NTF3: variants seen among roughly 807,000 people sequenced by gnomAD.
NTF3 encodes neurotrophin-3.
Under a neutral mutation model 26.3 loss-of-function variants are expected in NTF3, and 8 were observed. That is an observed-to-expected ratio of 0.30 (90% CI 0.18 to 0.55). NTF3 has a LOEUF of 0.55. Among genes scored for constraint, NTF3 ranks in the 20% least tolerant of loss-of-function variants. The pLI is 0.93. For synonymous variants in NTF3, 154 were observed against 145.5 expected (o/e 1.06, Z -0.42); for missense variants, 276 against 352.9 (o/e 0.78, Z 1.75).
chr12:5,436,055 G>A (rs1940164209), intron 1 of NTF3, among the ~76,000 whole-genome samples: 1 of 152,180 alleles, frequency 6.6e-6, no homozygotes, highest in South Asian at 2.1e-4. Context: ...GTAGACTTTG[G>A]GGAATGAGAC....
At chr12:5,488,077 G>T (rs1456364435) in intron 1 of NTF3, among the ~76,000 whole-genome samples, 2 of 152,140 alleles carry the variant, frequency 1.3e-5, no homozygotes, top group African/African-American at 4.8e-5. Context: ...GAGCTAGCAG[G>T]GAAGAAGGTG....
intron 1 of NTF3, among the ~76,000 whole-genome samples, chr12:5,491,422 T>C (rs753068709): frequency 2.6e-5 from 4 of 152,044 alleles, no homozygotes; most frequent in Non-Finnish European, 5.9e-5. Context: ...TCATGGCAAG[T>C]AAGAAAGAAA....
rs549772025 is a variant in NTF3, at chr12:5,456,310, G to T, written c.18+23968G>T. ...GCCCTTTTGAGAATCACATAGAATC[G>T]CATTGATTGATGAGTGAAAAATAAA... is the stretch of plus-strand genomic sequence containing the variant. On this transcript the variant is annotated intron_variant, in intron 1 of 1. Transcript: ENST00000423158. The surrounding 1 kb of genome is among the most constrained non-coding windows in gnomAD (Gnocchi z 4.4). Among the ~76,000 whole-genome samples the T allele has an allele frequency of 1.3e-5, 2 of 152,248 alleles. No homozygotes were observed. Among genetic ancestry groups the T allele is most frequent in the African/African-American group, 4.8e-5 (2 of 41,538 alleles).
At chr12:5,490,275 C>T (rs924381331) in intron 1 of NTF3, among the ~76,000 whole-genome samples, 24 of 152,018 alleles carry the variant, frequency 1.6e-4, no homozygotes, top group Admixed American at 1.3e-3. Flanking sequence ...AGGTCTCGAT[C>T]GTAGCAGGCG....
intron 1 of NTF3, among the ~76,000 whole-genome samples, chr12:5,492,653 C>T (rs1591610035): frequency 6.6e-6 from 1 of 152,150 alleles, no homozygotes; most frequent in Non-Finnish European, 1.5e-5. Flanking sequence ...AGTCAGTTTT[C>T]CCAAAGACTA....
chr12:5,490,209 A>C (rs1591608903), intron 1 of NTF3, among the ~76,000 whole-genome samples: 1 of 152,142 alleles, frequency 6.6e-6, no homozygotes, highest in African/African-American at 2.4e-5. Context: ...GGCTTCCAAA[A>C]CCAGGCTTGG....
intron 1 of NTF3, among the ~76,000 whole-genome samples, chr12:5,486,091 C>T (rs1003841956): frequency 3.3e-5 from 5 of 152,290 alleles, no homozygotes; most frequent in Admixed American, 1.3e-4. Flanking sequence ...TTGTGAAAGG[C>T]GGTTGTCTGT....
intron 1 of NTF3, among the ~76,000 whole-genome samples, chr12:5,447,506 C>G (rs558052073): frequency 5.3e-5 from 8 of 152,180 alleles, no homozygotes; most frequent in Non-Finnish European, 8.8e-5. Context: ...GCAAGAGGAA[C>G]CAAGTTCTAG....
chr12:5,477,900 A>G (rs1940743600), intron 1 of NTF3, among the ~76,000 whole-genome samples: 1 of 152,204 alleles, frequency 6.6e-6, no homozygotes, highest in South Asian at 2.1e-4. Context: ...CTGGGGAATT[A>G]GCTGTAGGAT....
intron 1 of NTF3, among the ~76,000 whole-genome samples, chr12:5,476,869 A>G (rs1046304745): frequency 1.3e-5 from 2 of 152,116 alleles, no homozygotes; most frequent in Non-Finnish European, 2.9e-5. Flanking sequence ...TGTATATTAA[A>G]CCATCCCGCC....
chr12:5,483,714 T>C (rs370542382), intron 1 of NTF3, among the ~76,000 whole-genome samples: 25 of 152,338 alleles, frequency 1.6e-4, no homozygotes, highest in African/African-American at 4.6e-4. Flanking sequence ...AGGAATTGCT[T>C]AGGTCTTTGA....
intron 1 of NTF3, among the ~76,000 whole-genome samples, chr12:5,471,375 T>C (rs1940664474): frequency 6.6e-6 from 1 of 152,120 alleles, no homozygotes; most frequent in Non-Finnish European, 1.5e-5. Context: ...CAATACTATG[T>C]TGAAATGTAC....
chr12:5,481,158 A>G (rs995930264), intron 1 of NTF3, among the ~76,000 whole-genome samples: 5 of 152,040 alleles, frequency 3.3e-5, no homozygotes, highest in Non-Finnish European at 5.9e-5. Context: ...TAGCGCCGGG[A>G]TGGTCTCTGG....
intron 1 of NTF3, among the ~76,000 whole-genome samples, chr12:5,443,144 A>G (rs1175438104): frequency 1.3e-5 from 2 of 152,138 alleles, no homozygotes; most frequent in Non-Finnish European, 2.9e-5. Flanking sequence ...ATGAACTGGA[A>G]ACTCAGGAAC....
intron 1 of NTF3, among the ~76,000 whole-genome samples, chr12:5,461,263 G>A (rs1207834271): frequency 4.6e-5 from 7 of 152,138 alleles, no homozygotes; most frequent in African/African-American, 1.7e-4. Flanking sequence ...AGTCTGATTC[G>A]AGTTTAATCG....
chr12:5,437,679 T>C (rs1372699477), intron 1 of NTF3, among the ~76,000 whole-genome samples: 1 of 152,178 alleles, frequency 6.6e-6, no homozygotes, highest in Non-Finnish European at 1.5e-5. Context: ...AGGCAGGCAG[T>C]TTCTGGCGTT....
intron 1 of NTF3, among the ~76,000 whole-genome samples, chr12:5,437,326 G>C (rs1013410080): frequency 2.0e-5 from 3 of 152,208 alleles, no homozygotes; most frequent in Admixed American, 2.0e-4. Flanking sequence ...AAGTTGATTG[G>C]AAGAGGTCAC....
Position 5,433,032 on chromosome 12 carries a change from GA to G in NTF3, c.18+691del. The stretch of plus-strand genomic sequence containing the variant: ...CTCGCGTTCCAGTTTTGGGAGTTGG[GA>G]CTCACTGCCACGCGCCGCGTACCTG... On this transcript the variant is annotated intron_variant, in intron 1 of 1. Coordinates refer to ENST00000423158, the MANE Select transcript of NTF3 (RefSeq NM_001102654.2). This position sits in a 1 kb window ranked among gnomAD's most constrained non-coding sequence, Gnocchi z 4.6. The G allele has an allele frequency of 6.6e-6, 1 of 152,310 alleles. No individual in the cohort carries two copies. The highest frequency in any genetic ancestry group is 1.5e-5 in the Non-Finnish European group (1 of 68,152). The allele number at this position is 152,310 out of a possible 1,614,324, so 9.4% of individuals were successfully genotyped here. A position where few individuals can be genotyped will look rare whatever the true frequency, so the allele number is the denominator to read the frequency against.
intron 1 of NTF3, among the ~76,000 whole-genome samples, chr12:5,435,305 G>T (rs1940152967): frequency 6.6e-6 from 1 of 152,212 alleles, no homozygotes; most frequent in African/African-American, 2.4e-5. Flanking sequence ...CCCATTGCTG[G>T]GTACTGGGGC....
Sources: gnomAD v4.1 joint callset for allele counts (sites outside exome capture counted in the v4.1 genomes callset) on GRCh38, gnomAD v4.1.1 for gene constraint, Gnocchi (gnomAD v3.1) non-coding constraint, MANE v1.5 for transcripts, NCBI Gene and HGNC (gene_info 2026-07-23, HGNC 2026-07-21) for gene names.